The following SPEF2 variants were observed in gnomAD, a reference collection of about 807,000 sequenced individuals.
SPEF2 encodes the protein sperm flagella and cilia-associated protein 2.
A neutral mutation model predicts 224.6 loss-of-function variants in SPEF2; 187 were observed. The ratio of observed to expected loss-of-function variants is 0.83; its 90% CI spans 0.74 to 0.94. The LOEUF is 0.94. SPEF2 is among the 40% of genes least tolerant of loss of function. The probability of loss-of-function intolerance (pLI) is 0.00; values close to 1 mark genes in which losing one functional copy is unlikely to be tolerated. For missense variants in SPEF2, 2,170 were observed against 2,135.6 expected, an observed-to-expected ratio of 1.02 and a Z score of -0.32; for synonymous variants, 715 against 707.3, an observed-to-expected ratio of 1.01 and a Z score of -0.17.
intron 15 of SPEF2, chr5:35,698,738 A>G (rs1192927921): frequency 6.6e-6 from 1 of 152,220 alleles, no homozygotes; most frequent in Non-Finnish European, 1.5e-5. Flanking sequence ...GGCACATGAC[A>G]GTTCAGTGAG....
At chr5:35,664,784 G>A (rs1471994241) in intron 8 of SPEF2, among the ~76,000 whole-genome samples, 1 of 147,408 alleles carries the variant, frequency 6.8e-6, no homozygotes, top group East Asian at 2.0e-4. Context: ...GAGAGAGAAA[G>A]AGGGAGGGAG....
At chr5:35,711,481 A>C (rs1741121096) in intron 19 of SPEF2, among the ~76,000 whole-genome samples, 1 of 152,164 alleles carries the variant, frequency 6.6e-6, no homozygotes, top group Admixed American at 6.5e-5. Context: ...TATCAAATGC[A>C]GTATCAATTG....
chr5:35,738,228 A>T (rs190695248), intron 21 of SPEF2, among the ~76,000 whole-genome samples: 1 of 151,908 alleles, frequency 6.6e-6, no homozygotes, highest in African/African-American at 2.4e-5. Context: ...TTAGATCCCA[A>T]TTGTCAATTT....
chr5:35,623,755 T>C (rs1385585692), intron 1 of SPEF2, among the ~76,000 whole-genome samples: 2 of 152,238 alleles, frequency 1.3e-5, no homozygotes, highest in Non-Finnish European at 2.9e-5. Context: ...CACGAATGTT[T>C]GTACTGTAAT....
intron 30 of SPEF2, among the ~76,000 whole-genome samples, chr5:35,785,727 T>TC (rs1342798463): frequency 6.8e-6 from 1 of 147,648 alleles, no homozygotes; most frequent in Admixed American, 6.6e-5. Flanking sequence ...TCTTCTCTTT[T>TC]CTTTTTTTTT....
rs1388203011 is a variant in SPEF2 at position 35,814,575 on chromosome 5, T to C, written c.*22T>C. ...ATGAAGACAAAAGAGTGTGATTTTT[T>C]TAATTCTGCAATAAATCTTCCAAAA... On this transcript the variant is annotated 3_prime_UTR_variant, in exon 37 of 37. Coordinates refer to ENST00000356031, the MANE Select transcript of SPEF2 (RefSeq NM_024867.4). 1 of 1,486,842 alleles carries C rather than the reference T, an allele frequency of 6.7e-7. No homozygotes were observed. The highest frequency in any genetic ancestry group is 1.2e-5 in the South Asian group (1 of 81,668). The allele number at this position is 1,486,842 out of a possible 1,614,324, so 92.1% of individuals were successfully genotyped here. A position where few individuals can be genotyped will look rare whatever the true frequency, so the allele number is the denominator to read the frequency against.
chr5:35,748,317 G>C (rs935591267), intron 23 of SPEF2, among the ~76,000 whole-genome samples: 2 of 151,248 alleles, frequency 1.3e-5, no homozygotes, highest in African/African-American at 4.9e-5. Flanking sequence ...CAGAAGAAAG[G>C]AAAAAAGCAA....
At chr5:35,670,688 A>G (rs1751119426) in intron 10 of SPEF2, 1 of 985,606 alleles carries the variant, frequency 1.0e-6, no homozygotes, top group Non-Finnish European at 1.2e-6. Flanking sequence ...TTATTCAAAG[A>G]TTGAAATAAA....
chr5:35,618,006 G>A lies in SPEF2; in HGVS notation c.9G>A (p.Glu3=), dbSNP rs2112078717. The A allele has an allele frequency of 2.5e-6, 4 of 1,583,578 alleles. No individual in the cohort carries two copies. In the East Asian group the frequency reaches 9.2e-5, roughly 36 times the overall value. ...GAGGCACCGGCTGAACCATGTCGGA[G>A]ATCCTGTGCCAGTGGCTCAACAAGG... The part of the protein sequence containing the change: MS[E]ILCQWLNKEL... Residue 3 remains glutamate, a synonymous_variant, in exon 1 of 37, where the codon GAG becomes GAA. Coordinates refer to ENST00000356031, the MANE Select transcript of SPEF2 (RefSeq NM_024867.4).
Position 35,727,748 on chromosome 5 carries a change from AC to A in SPEF2, c.2990del (p.Pro997LeufsTer4). 6.2e-7 allele frequency: 1 copy of A among 1,613,912 alleles called. No homozygotes were observed. The highest frequency in any genetic ancestry group is 1.7e-5 in the Admixed American group (1 of 60,014). On this transcript the variant is annotated frameshift_variant, in exon 21 of 37. Coordinates refer to ENST00000356031, the MANE Select transcript of SPEF2 (RefSeq NM_024867.4). LOFTEE classifies it high-confidence loss of function. ...CACCTGCTGACTCTACAGATACATC[AC>A]CTGTTGCAATAGTGCCACAGCCACC... ...KSPADSTDTS[P>X]VAIVPQPPKP...
chr5:35,753,815 T>C, intron 24 of SPEF2, 54 bp downstream of exon 24: 1 of 1,607,282 alleles, frequency 6.2e-7, no homozygotes. Context: ...GCCTCATTCC[T>C]CAGTCCTTCA....
chr5:35,788,410 A>C (rs1755478790), intron 30 of SPEF2: 4 of 702,704 alleles, frequency 5.7e-6, no homozygotes, highest in African/African-American at 3.5e-5. Context: ...AAGTAGAACG[A>C]AAAAATCTAA....
At chr5:35,714,408 T>C (rs1451531235) in intron 20 of SPEF2, among the ~76,000 whole-genome samples, 1 of 151,774 alleles carries the variant, frequency 6.6e-6, no homozygotes, top group Non-Finnish European at 1.5e-5. Context: ...TAAAAGCCTA[T>C]TTATGAGGGG....
chr5:35,806,336 C>A (rs1758051486), intron 34 of SPEF2, among the ~76,000 whole-genome samples: 1 of 152,168 alleles, frequency 6.6e-6, no homozygotes, highest in Non-Finnish European at 1.5e-5. Context: ...AATTGACTTG[C>A]CTTAGCCTCT....
intron 20 of SPEF2, among the ~76,000 whole-genome samples, chr5:35,727,269 G>A (rs1744828962): frequency 1.3e-5 from 2 of 152,016 alleles, no homozygotes; most frequent in Admixed American, 6.6e-5. Context: ...GGTCTCCAAG[G>A]GATACCAAGA....
chr5:35,677,737 AC>A (rs1296190138), intron 10 of SPEF2, among the ~76,000 whole-genome samples: 1 of 152,104 alleles, frequency 6.6e-6, no homozygotes, highest in Non-Finnish European at 1.5e-5. Flanking sequence ...AGAAGCCCCT[AC>A]CTATTGTCTG....
intron 12 of SPEF2, among the ~76,000 whole-genome samples, chr5:35,693,185 T>C (rs1252690157): frequency 1.3e-5 from 2 of 152,148 alleles, no homozygotes; most frequent in Non-Finnish European, 2.9e-5. Context: ...CCACTCAGCT[T>C]CTGGCAGTTG....
intron 10 of SPEF2, among the ~76,000 whole-genome samples, chr5:35,677,356 T>C (rs1752171886): frequency 6.6e-6 from 1 of 152,144 alleles, no homozygotes; most frequent in African/African-American, 2.4e-5. Flanking sequence ...TTTAAGCAGT[T>C]GGGGAATGAC....
At chr5:35,702,363 A>G (rs560328090) in intron 16 of SPEF2, 122 of 455,054 alleles carry the variant, frequency 2.7e-4, no homozygotes, top group Non-Finnish European at 4.7e-4. Flanking sequence ...AGACTGGGGG[A>G]TGTAAGGAGG....
Sources: gnomAD v4.1 joint callset for allele counts (sites outside exome capture counted in the v4.1 genomes callset) on GRCh38, gnomAD v4.1.1 for gene constraint, MANE v1.5 for transcripts, NCBI Gene and HGNC (gene_info 2026-07-23, HGNC 2026-07-21) for gene names.